The following CTNND2 variants were observed in gnomAD, a reference collection of about 807,000 sequenced individuals.
CTNND2 encodes the protein catenin delta-2.
CTNND2 carries 22 observed loss-of-function variants against 144.4 expected under a neutral mutation model. That is an observed-to-expected ratio of 0.15 (90% confidence interval 0.11 to 0.22). CTNND2 has a LOEUF of 0.22. Ranked by LOEUF, CTNND2 falls within the 10% of genes least tolerant of loss-of-function variation. The pLI is 1.00. For missense variants in CTNND2, 1,353 were observed against 1,618.8 expected (o/e 0.84, Z 2.82); for synonymous variants, 751 against 695.6 (o/e 1.08, Z -1.25).
At chr5:11,291,835 T>C (rs1425074615) in intron 9 of CTNND2, among the ~76,000 whole-genome samples, 1 of 152,184 alleles carries the variant, frequency 6.6e-6, no homozygotes, top group Non-Finnish European at 1.5e-5. Context: ...AGACAAAACA[T>C]TTATTTCCTG....
At chr5:11,417,912 A>C (rs946847094) in intron 3 of CTNND2, among the ~76,000 whole-genome samples, 6 of 152,222 alleles carry the variant, frequency 3.9e-5, no homozygotes, top group Non-Finnish European at 5.9e-5. Context: ...CAGTAATAGA[A>C]AAATAAACAA....
intron 3 of CTNND2, among the ~76,000 whole-genome samples, chr5:11,443,513 A>G (rs1268329130): frequency 6.6e-6 from 1 of 151,858 alleles, no homozygotes; most frequent in South Asian, 2.1e-4. Context: ...AAGCATGTGC[A>G]GATAGATACA....
intron 3 of CTNND2, among the ~76,000 whole-genome samples, chr5:11,457,655 G>A (rs1765852141): frequency 6.6e-6 from 1 of 152,206 alleles, no homozygotes; most frequent in African/African-American, 2.4e-5. Context: ...GTGCCTCAGG[G>A]TTGTGCTGGA....
chr5:11,497,529 C>G (rs1178535247), intron 3 of CTNND2, among the ~76,000 whole-genome samples: 48 of 65,800 alleles, frequency 7.3e-4, no homozygotes, highest in Middle Eastern at 0.011. Flanking sequence ...TGGGGGGGGG[C>G]AATATGTGCA....
intron 9 of CTNND2, among the ~76,000 whole-genome samples, chr5:11,272,634 T>G (rs571367013): frequency 6.6e-6 from 1 of 152,192 alleles, no homozygotes; most frequent in South Asian, 2.1e-4. Context: ...GGTCCCCAGG[T>G]GGAAAACAAA....
intron 14 of CTNND2, 22 bp downstream of exon 14, chr5:11,110,836 A>G: frequency 3.7e-6 from 6 of 1,602,814 alleles, no homozygotes; most frequent in Non-Finnish European, 5.1e-6. Context: ...AATTGCATGC[A>G]GCTGCAAGCA....
At chr5:11,392,858 GT>G (rs549047951) in intron 6 of CTNND2, among the ~76,000 whole-genome samples, 269 of 152,260 alleles carry the variant, frequency 1.8e-3, no homozygotes, top group African/African-American at 6.2e-3. Flanking sequence ...TTCTCTGCAG[GT>G]TTTACCTAAC....
Position 11,569,887 on chromosome 5 carries a change from C to A in CTNND2, c.175-4831G>T, listed in dbSNP as rs558200651. Among the ~76,000 whole-genome samples the A allele has an allele frequency of 9.9e-5, 15 of 152,242 alleles. No individual in the cohort carries two copies. In the South Asian group the frequency reaches 3.1e-3, roughly 32 times the overall value. ...CCAGGAAGTGGGCCCTCACCAGACACCAAATCTGCCTGCACCATGATCTTG... is the reference window on the plus strand; with the variant it reads ...CCAGGAAGTGGGCCCTCACCAGACAACAAATCTGCCTGCACCATGATCTTG... On this transcript the variant is annotated intron_variant, in intron 2 of 21. Transcript: ENST00000304623.
chr5:11,037,664 G>T (rs1744235560), intron 16 of CTNND2, among the ~76,000 whole-genome samples: 1 of 152,212 alleles, frequency 6.6e-6, no homozygotes, highest in Non-Finnish European at 1.5e-5. Context: ...GCATGTTATA[G>T]AAGCCTTCTG....
chr5:11,159,442 C>T, intron 12 of CTNND2, 134 bp downstream of exon 12: 1 of 665,170 alleles, frequency 1.5e-6, no homozygotes, highest in Non-Finnish European at 2.4e-6. Flanking sequence ...ACTTCTTATA[C>T]TCCGTTGCCA....
At position 11,301,677 on chromosome 5, in the gene CTNND2, C is replaced by T. The variant is rs1157733511; in HGVS notation, c.1628+44695G>A. ...TTCACTCAGCATTGCAATATAAGGA[C>T]GGTTTGCAAGCAGACAGGGAATGGG... On this transcript the variant is annotated intron_variant, in intron 9 of 21. Transcript: ENST00000304623. Among the ~76,000 whole-genome samples, 6 of 152,098 alleles carry T rather than the reference C, an allele frequency of 3.9e-5. 1 individual carries two copies. Among genetic ancestry groups the T allele is most frequent in the East Asian group, 1.9e-4 (1 of 5,204 alleles).
chr5:11,146,399 C>T (rs1489878469), intron 12 of CTNND2, among the ~76,000 whole-genome samples: 8 of 152,156 alleles, frequency 5.3e-5, no homozygotes, highest in Non-Finnish European at 1.0e-4. Context: ...AAAAGCATTC[C>T]GTCCAGATTC....
chr5:11,891,472 CAACA>C (rs1389514181), intron 1 of CTNND2, among the ~76,000 whole-genome samples: 1 of 152,140 alleles, frequency 6.6e-6, no homozygotes, highest in Non-Finnish European at 1.5e-5. Flanking sequence ...CCTCACCCAC[CAACA>C]AAGTAATATG....
intron 9 of CTNND2, among the ~76,000 whole-genome samples, chr5:11,281,560 A>G (rs1395581530): frequency 6.6e-6 from 1 of 152,252 alleles, no homozygotes; most frequent in East Asian, 1.9e-4. Flanking sequence ...TAGGGCTACC[A>G]TAACAAAATA....
intron 3 of CTNND2, among the ~76,000 whole-genome samples, chr5:11,541,850 CG>C (rs375573525): frequency 0.015 from 2,006 of 130,240 alleles, 66 homozygotes; most frequent in African/African-American, 0.052. Flanking sequence ...CCCCCCCCCC[CG>C]GCCAAAAGCC....
chr5:10,997,236 G>A (rs1030780883), intron 18 of CTNND2, among the ~76,000 whole-genome samples: 36 of 152,242 alleles, frequency 2.4e-4, no homozygotes, highest in Non-Finnish European at 1.0e-4. Flanking sequence ...CCAAAAACAC[G>A]TTCAGGATGG....
rs758746341 is a variant in CTNND2, at chr5:11,170,898, G to T, written c.1976-11139C>A. ...GGAGGAGCAAAGGGTCGTATAACAT[G>T]GTGGCAGGCAAGAGAATCACGTGCA... On this transcript the variant is annotated intron_variant, in intron 11 of 21. Coordinates refer to ENST00000304623, the MANE Select transcript of CTNND2 (RefSeq NM_001332.4). 3.9e-4 allele frequency among the ~76,000 whole-genome samples: 60 copies of T among 152,202 alleles called. 1 individual carries two copies. The highest frequency in any genetic ancestry group is 8.1e-4 in the Non-Finnish European group (55 of 68,034).
chr5:11,145,399 G>A (rs926889247), intron 12 of CTNND2, among the ~76,000 whole-genome samples: 20 of 152,062 alleles, frequency 1.3e-4, no homozygotes, highest in Admixed American at 2.6e-4. Context: ...GAGAAACTGA[G>A]GCTCAGAGAG....
intron 8 of CTNND2, among the ~76,000 whole-genome samples, chr5:11,353,928 T>A (rs1755603454): frequency 6.6e-6 from 1 of 152,112 alleles, no homozygotes; most frequent in South Asian, 2.1e-4. Context: ...GAATTTTCCA[T>A]AAAAATGGAA....
Sources: allele counts gnomAD v4.1 joint callset (sites outside exome capture counted in the v4.1 genomes callset), GRCh38; gene constraint gnomAD v4.1.1; transcripts MANE v1.5; gene names NCBI Gene and HGNC (gene_info 2026-07-23, HGNC 2026-07-21).